IAH1: variants seen among roughly 807,000 people sequenced by gnomAD.
IAH1 encodes isoamyl acetate hydrolyzing esterase 1 (putative), also known as isoamyl acetate-hydrolyzing esterase 1 homolog.
In IAH1, 24 loss-of-function variants were observed where a neutral mutation model predicts 26.7. The observed-to-expected ratio is 0.90, with a 90% CI of 0.65 to 1.26. IAH1 has a LOEUF of 1.26. Among genes scored for constraint, IAH1 ranks in the 50% most tolerant of loss-of-function variants. The pLI, the probability that IAH1 is intolerant of heterozygous loss-of-function variation, is 0.00. For synonymous variants in IAH1, 140 were observed against 118.5 expected (o/e 1.18, Z -1.18); for missense variants, 300 against 299.9 (o/e 1.00, Z 0.00).
intron 4 of IAH1, among the ~76,000 whole-genome samples, chr2:9,483,611 C>T (rs553765470): frequency 5.3e-5 from 8 of 152,018 alleles, no homozygotes; most frequent in African/African-American, 1.4e-4. Flanking sequence ...TTCTGTAGTC[C>T]GCCTCTCGCC....
chr2:9,477,028 C>T (rs1275581481), intron 2 of IAH1, among the ~76,000 whole-genome samples: 3 of 152,188 alleles, frequency 2.0e-5, no homozygotes, highest in Non-Finnish European at 4.4e-5. Flanking sequence ...CCAACAGGCA[C>T]TCGCTACCAC....
At chr2:9,476,360 C>T (rs919123202) in intron 2 of IAH1, among the ~76,000 whole-genome samples, 2 of 152,234 alleles carry the variant, frequency 1.3e-5, no homozygotes, top group African/African-American at 2.4e-5. Flanking sequence ...ACTGCTACAC[C>T]ACACTGGTAG....
In IAH1 at chr2:9,481,360, T is replaced by C; in HGVS notation, c.358T>C (p.Ser120Pro). ...NLKSMVQYLK[S>P]VDIPENRVIL... Reference sequence around the variant, plus strand: ...AAAGAGCATGGTGCAGTACCTGAAGTCCGTGGACATCCCTGAGAATCGAGT... The same window carrying C: ...AAAGAGCATGGTGCAGTACCTGAAGCCCGTGGACATCCCTGAGAATCGAGT... Residue 120 changes from serine (S) to proline (P), a missense_variant, in exon 4 of 6, where the codon TCC becomes CCC. Ser to Pro is a moderately conservative substitution (Grantham distance 74). Transcript: ENST00000497473. 1 of 1,614,160 alleles carries C rather than the reference T, an allele frequency of 6.2e-7. No homozygotes were observed. The highest frequency in any genetic ancestry group is 8.5e-7 in the Non-Finnish European group (1 of 1,180,030).
intron 5 of IAH1, 81 bp downstream of exon 5, chr2:9,484,631 A>G: frequency 1.1e-6 from 1 of 915,424 alleles, no homozygotes; most frequent in African/African-American, 1.6e-5. Context: ...AGCTTTCCCT[A>G]GAAAGGCCCT....
downstream of IAH1, among the ~76,000 whole-genome samples, chr2:9,494,441 C>T (rs2124965955): frequency 6.6e-6 from 1 of 152,296 alleles, no homozygotes; most frequent in Non-Finnish European, 1.5e-5. Context: ...AAGCCTCCCA[C>T]CACAGAAGGA....
chr2:9,484,201 C>T (rs548284267), intron 4 of IAH1, among the ~76,000 whole-genome samples: 18 of 152,194 alleles, frequency 1.2e-4, no homozygotes, highest in African/African-American at 2.4e-4. Context: ...CAGAAGATTC[C>T]GGTTACCACT....
the IAH1 span, among the ~76,000 whole-genome samples, chr2:9,506,591 T>G: frequency 6.6e-6 from 1 of 151,928 alleles, no homozygotes; most frequent in African/African-American, 2.4e-5. Flanking sequence ...GGTCTCGATC[T>G]CTTGACCTCA....
chr2:9,507,187 A>G, the IAH1 span, among the ~76,000 whole-genome samples: 1 of 152,072 alleles, frequency 6.6e-6, no homozygotes, highest in Non-Finnish European at 1.5e-5. Flanking sequence ...TATTTTTATT[A>G]AGGAATTCAT....
the IAH1 span, among the ~76,000 whole-genome samples, chr2:9,510,404 G>A: frequency 6.6e-6 from 1 of 151,916 alleles, no homozygotes. Context: ...GGTGGCTCAC[G>A]CCTGTAATCC....
downstream of IAH1, chr2:9,493,805 T>C (rs761422866): frequency 6.2e-7 from 1 of 1,613,996 alleles, no homozygotes; most frequent in Non-Finnish European, 8.5e-7. Flanking sequence ...TTACATCCTG[T>C]ACTCGTTTCT....
At chr2:9,487,854 TG>T (rs532433122) in intron 5 of IAH1, among the ~76,000 whole-genome samples, 1 of 144,536 alleles carries the variant, frequency 6.9e-6, no homozygotes, top group Non-Finnish European at 1.5e-5. Flanking sequence ...GCGCGCGCTG[TG>T]GGGGGAGACA....
In IAH1 at chr2:9,474,836, C is replaced by G; in HGVS notation, c.81+189C>G. The G allele has an allele frequency of 9.5e-6, 5 of 524,772 alleles. No individual in the cohort carries two copies. The highest frequency in any genetic ancestry group is 1.2e-5 in the Non-Finnish European group (4 of 336,044). The allele number at this position is 524,772 out of a possible 1,614,324, so 32.5% of individuals were successfully genotyped here. On this transcript the variant is annotated intron_variant, in intron 1 of 5. Coordinates refer to ENST00000497473, the MANE Select transcript of IAH1 (RefSeq NM_001039613.3). The surrounding 1 kb of genome is among the most constrained non-coding windows in gnomAD (Gnocchi z 4.3). Reference sequence around the variant, plus strand: ...TGCGCCTTCCGGGCCCGCGGCGTCCCGGAGGTCACGACGGCGTCCGCGAGA... The same window carrying G: ...TGCGCCTTCCGGGCCCGCGGCGTCCGGGAGGTCACGACGGCGTCCGCGAGA...
At chr2:9,493,699 A>G, downstream of IAH1, 1 of 1,515,356 alleles carries the variant, frequency 6.6e-7, no homozygotes, top group Non-Finnish European at 9.2e-7. Flanking sequence ...TAATGTCATC[A>G]CAGAAATTGA....
chr2:9,484,326 A>T, intron 4 of IAH1, 106 bp from the exon 5 acceptor site: 1 of 892,928 alleles, frequency 1.1e-6, no homozygotes, highest in South Asian at 1.5e-5. Flanking sequence ...AAGTGGGGTC[A>T]ATATTTAATG....
upstream of IAH1, chr2:9,474,021 C>G (rs1199476998): frequency 6.6e-6 from 1 of 152,322 alleles, no homozygotes; most frequent in Admixed American, 6.5e-5. This position sits in a 1 kb window ranked among gnomAD's most constrained non-coding sequence, Gnocchi z 4.3. Flanking sequence ...AGAAAAGCGG[C>G]CGGCTGCGCG....
downstream of IAH1, chr2:9,493,050 T>C: frequency 7.5e-7 from 1 of 1,330,172 alleles, no homozygotes; most frequent in Admixed American, 2.1e-5. Flanking sequence ...AGTGAAATGC[T>C]CTTAGGATAT....
At chr2:9,488,124 T>A (rs1293558830) in intron 5 of IAH1, 23 bp from the exon 6 acceptor site, 1 of 1,558,114 alleles carries the variant, frequency 6.4e-7, no homozygotes, top group East Asian at 2.3e-5. Flanking sequence ...TACCCACCTT[T>A]AACCGATTTC....
the IAH1 span, among the ~76,000 whole-genome samples, chr2:9,506,029 C>T: frequency 6.6e-6 from 1 of 152,174 alleles, no homozygotes; most frequent in Non-Finnish European, 1.5e-5. Context: ...GGATAACTCC[C>T]TTTTAAGGCT....
At chr2:9,496,977 G>A, downstream of IAH1, 1 of 1,321,892 alleles carries the variant, frequency 7.6e-7, no homozygotes, top group Non-Finnish European at 1.0e-6. Flanking sequence ...ACACCACCCT[G>A]CCCTTCCCCA....
Sources: allele counts gnomAD v4.1 joint callset (sites outside exome capture counted in the v4.1 genomes callset), GRCh38; gene constraint gnomAD v4.1.1; non-coding constraint Gnocchi (gnomAD v3.1); transcripts MANE v1.5; gene names NCBI Gene and HGNC (gene_info 2026-07-23, HGNC 2026-07-21).